The following PRKD1 variants were observed in gnomAD, a reference collection of about 807,000 sequenced individuals.
PRKD1 encodes the protein serine/threonine-protein kinase D1.
PRKD1 carries 63 observed loss-of-function variants against 95.9 expected under a neutral mutation model. The ratio of observed to expected loss-of-function variants is 0.66; its 90% CI spans 0.54 to 0.81. The LOEUF is 0.81. PRKD1 is among the 30% of genes least tolerant of loss of function. The probability of loss-of-function intolerance (pLI) is 0.00; values close to 1 mark genes in which losing one functional copy is unlikely to be tolerated. For synonymous variants in PRKD1, 425 were observed against 423.1 expected (o/e 1.00, Z -0.05); for missense variants, 1,048 against 1,165.3 (o/e 0.90, Z 1.47).
At chr14:29,777,622 G>A (rs1236820621) in intron 1 of PRKD1, among the ~76,000 whole-genome samples, 19 of 151,904 alleles carry the variant, frequency 1.3e-4, no homozygotes, top group Non-Finnish European at 5.9e-5. Flanking sequence ...AACCCAATAC[G>A]GGAGCACCCA....
intron 2 of PRKD1, among the ~76,000 whole-genome samples, chr14:29,685,412 G>A (rs888840272): frequency 6.6e-6 from 1 of 152,200 alleles, no homozygotes; most frequent in Admixed American, 6.5e-5. Context: ...GGATAGAATA[G>A]CACATTGAAA....
chr14:29,666,306 TC>T (rs1882504997), intron 2 of PRKD1, 98 bp from the exon 3 acceptor site: 29 of 1,278,778 alleles, frequency 2.3e-5, no homozygotes, highest in Non-Finnish European at 3.0e-5. Flanking sequence ...CGGATATAAC[TC>T]CCTAGGCAAA....
intron 1 of PRKD1, among the ~76,000 whole-genome samples, chr14:29,870,366 A>C (rs1893059586): frequency 6.6e-6 from 1 of 152,180 alleles, no homozygotes; most frequent in South Asian, 2.1e-4. Context: ...GTACCCACCA[A>C]AAAATATTCA....
chr14:29,729,127 C>T (rs373150489), intron 1 of PRKD1, among the ~76,000 whole-genome samples: 4 of 152,004 alleles, frequency 2.6e-5, no homozygotes, highest in African/African-American at 7.2e-5. Flanking sequence ...TTCTACAAAT[C>T]GCATTGTTTA....
chr14:29,724,920 T>C (rs1317049025), intron 2 of PRKD1, among the ~76,000 whole-genome samples: 1 of 152,236 alleles, frequency 6.6e-6, no homozygotes, highest in Non-Finnish European at 1.5e-5. Flanking sequence ...TTCTTTTTTT[T>C]CTGTTTGGTT....
chr14:29,700,306 C>T (rs192660160), intron 2 of PRKD1, among the ~76,000 whole-genome samples: 1 of 152,090 alleles, frequency 6.6e-6, no homozygotes, highest in African/African-American at 2.4e-5. Flanking sequence ...AGTTTTAAAA[C>T]TTGTTTTTAT....
At chr14:29,676,192 T>TTTTTTTTTTTTTTTTTTG (rs1566532348) in intron 2 of PRKD1, among the ~76,000 whole-genome samples, 2 of 128,528 alleles carry the variant, frequency 1.6e-5, no homozygotes, top group African/African-American at 6.2e-5. Context: ...TGTTTTTTTT[T>TTTTTTTTTTTTTTTTTTG]TTTTTTTTTT....
At chr14:29,677,088 C>CA (rs933795359) in intron 2 of PRKD1, among the ~76,000 whole-genome samples, 8 of 152,146 alleles carry the variant, frequency 5.3e-5, no homozygotes, top group Middle Eastern at 3.4e-3. Context: ...TTAACAACAA[C>CA]AAAAAAATTG....
chr14:29,927,438 G>A lies in PRKD1; in HGVS notation c.75C>T (p.Ala25=), dbSNP rs1398351435. The A allele has an allele frequency of 3.7e-6, 5 of 1,347,926 alleles. No individual in the cohort carries two copies. The highest frequency in any genetic ancestry group is 3.8e-5 in the Admixed American group (1 of 26,270). 83.5% of individuals were successfully genotyped at this position (1,347,926 alleles called of 1,614,324 possible). The change falls in exon 1 of 18, where the codon GCC becomes GCT. Residue 25 remains alanine (A), a synonymous_variant. Coordinates refer to ENST00000331968, the MANE Select transcript of PRKD1 (RefSeq NM_002742.3). ...CGGGCCCGGACCCTGGGACCAGTGCGGCGGCCGCTGCGGCAGCTGCCGCCG... is the reference window on the plus strand; with the variant it reads ...CGGGCCCGGACCCTGGGACCAGTGCAGCGGCCGCTGCGGCAGCTGCCGCCG... The part of the protein sequence containing the change: ...PVAAAAAAAA[A]ALVPGSGPGP...
intron 1 of PRKD1, chr14:29,812,033 AATACAC>A (rs1183339942): frequency 2.6e-5 from 4 of 152,268 alleles, no homozygotes; most frequent in Non-Finnish European, 4.4e-5. Context: ...CATATAACTA[AATACAC>A]ATACACATAC....
In PRKD1 at chr14:29,759,878, G is replaced by A. The variant is rs374310927; in HGVS notation, c.265-34204C>T. ...ATTCTCATTTTGACTAAGGGAGACT[G>A]CATATCAGTCACAGGCAAAATATTT... On this transcript the variant is annotated intron_variant, in intron 1 of 17. Coordinates refer to ENST00000331968, the MANE Select transcript of PRKD1 (RefSeq NM_002742.3). Among the ~76,000 whole-genome samples the A allele has an allele frequency of 5.6e-4, 85 of 152,264 alleles. 2 individuals carry two copies. In the South Asian group the frequency reaches 0.018, roughly 32 times the overall value.
At chr14:29,745,055 G>T (rs1289084337) in intron 1 of PRKD1, among the ~76,000 whole-genome samples, 1 of 151,938 alleles carries the variant, frequency 6.6e-6, no homozygotes. Flanking sequence ...TGTGCTTGTG[G>T]CTCCTCCACC....
chr14:29,748,039 C>T (rs1387583807), intron 1 of PRKD1, among the ~76,000 whole-genome samples: 3 of 152,110 alleles, frequency 2.0e-5, no homozygotes, highest in Non-Finnish European at 2.9e-5. Flanking sequence ...CCACCACGCC[C>T]GGCCAAAAAC....
At chr14:29,736,198 G>A (rs896910206) in intron 1 of PRKD1, among the ~76,000 whole-genome samples, 2 of 152,120 alleles carry the variant, frequency 1.3e-5, no homozygotes, top group Non-Finnish European at 2.9e-5. Context: ...AGAAGCTGAA[G>A]GTTTACATTT....
intron 2 of PRKD1, among the ~76,000 whole-genome samples, chr14:29,693,740 A>T (rs1884367931): frequency 6.6e-6 from 1 of 152,132 alleles, no homozygotes; most frequent in Non-Finnish European, 1.5e-5. Flanking sequence ...TCTTGTAAGA[A>T]GAAATTACTG....
chr14:29,599,775 C>T lies in PRKD1; in HGVS notation c.1948G>A (p.Glu650Lys). The change falls in exon 14 of 18, where the codon GAG becomes AAG. Residue 650 changes from glutamate (E) to lysine (K), a missense_variant. Around this residue, in one of 3 missense-constraint regions of PRKD1, gnomAD observed 739 missense variants for 861.9 expected, o/e 0.86. Transcript: ENST00000331968. Reference sequence around the variant, plus strand: ...ACAACAAACACTCTTTCAGGCGTCTCAAACATACACTCCAAATTTACAACA... The same window carrying T: ...ACAACAAACACTCTTTCAGGCGTCTTAAACATACACTCCAAATTTACAACA... ...PGVVNLECMF[E>K]TPERVFVVME... The T allele has an allele frequency of 6.2e-7, 1 of 1,613,048 alleles. No homozygotes were observed. Among genetic ancestry groups the T allele is most frequent in the African/African-American group, 1.3e-5 (1 of 74,978 alleles).
intron 1 of PRKD1, among the ~76,000 whole-genome samples, chr14:29,779,673 A>G (rs908951172): frequency 6.6e-6 from 1 of 152,274 alleles, no homozygotes; most frequent in Non-Finnish European, 1.5e-5. Flanking sequence ...CCATGCTCAT[A>G]GATAGGAAGA....
intron 3 of PRKD1, among the ~76,000 whole-genome samples, chr14:29,664,575 C>T (rs1882375657): frequency 6.6e-6 from 1 of 152,148 alleles, no homozygotes. Context: ...GGCAGAGTTT[C>T]TTCCAGATTA....
intron 1 of PRKD1, among the ~76,000 whole-genome samples, chr14:29,773,447 G>A (rs142729659): frequency 4.8e-4 from 68 of 140,754 alleles, no homozygotes; most frequent in African/African-American, 1.6e-3. Context: ...ATGACAGAGC[G>A]AGGCTCTGTC....
Sources: gnomAD v4.1 joint callset for allele counts (sites outside exome capture counted in the v4.1 genomes callset) on GRCh38, gnomAD v4.1.1 for gene constraint, gnomAD v4.1.1 regional missense constraint, MANE v1.5 for transcripts, NCBI Gene and HGNC (gene_info 2026-07-23, HGNC 2026-07-21) for gene names.